DYRK1A: variants seen among roughly 807,000 people sequenced by gnomAD.
The protein encoded by DYRK1A is dual specificity tyrosine phosphorylation regulated kinase 1A.
In DYRK1A, 9 loss-of-function variants were observed where a neutral mutation model predicts 79.7. The ratio of observed to expected loss-of-function variants is 0.11; its 90% confidence interval spans 0.07 to 0.20. The LOEUF (loss-of-function observed/expected upper bound fraction) is 0.20. Among genes scored for constraint, DYRK1A ranks in the 10% least tolerant of loss-of-function variants. The pLI, the probability that DYRK1A is intolerant of heterozygous loss-of-function variation, is 1.00. For synonymous variants in DYRK1A, 349 were observed against 329.7 expected (o/e 1.06, Z -0.63); for missense variants, 622 against 956.0 (o/e 0.65, Z 4.61).
chr21:37,411,549 A>G (rs184099751), intron 1 of DYRK1A, among the ~76,000 whole-genome samples: 16 of 152,290 alleles, frequency 1.1e-4, no homozygotes, highest in Admixed American at 2.0e-4. Flanking sequence ...AGTGAGGCCA[A>G]TGGAATTTGA....
intron 2 of DYRK1A, among the ~76,000 whole-genome samples, chr21:37,458,304 G>GTA (rs1555972269): frequency 3.3e-5 from 5 of 150,672 alleles, no homozygotes; most frequent in Non-Finnish European, 5.9e-5. Flanking sequence ...GTGTGTGTGT[G>GTA]TGTACATATA....
intron 6 of DYRK1A, among the ~76,000 whole-genome samples, chr21:37,489,531 C>T (rs2835771): frequency 0.19 from 28,829 of 151,914 alleles, 3,457 homozygotes; most frequent in South Asian, 0.34. Flanking sequence ...CCTTCAGTCT[C>T]ACACAAGAGT....
intron 1 of DYRK1A, among the ~76,000 whole-genome samples, chr21:37,371,056 G>C (rs903406809): frequency 3.3e-5 from 5 of 152,166 alleles, no homozygotes; most frequent in Non-Finnish European, 7.3e-5. Context: ...AGTTTGGAGA[G>C]TTAAAATTTG....
chr21:37,397,681 T>C (rs1267632189), intron 1 of DYRK1A, among the ~76,000 whole-genome samples: 1 of 152,192 alleles, frequency 6.6e-6, no homozygotes, highest in Non-Finnish European at 1.5e-5. Context: ...CAGAATTGCC[T>C]GGGGTCCTTG....
chr21:37,476,827 C>G (rs772920223), intron 3 of DYRK1A, among the ~76,000 whole-genome samples: 7 of 148,248 alleles, frequency 4.7e-5, no homozygotes, highest in Non-Finnish European at 1.0e-4. Context: ...TTCCCCCCCC[C>G]CCCAACCTTA....
intron 1 of DYRK1A, among the ~76,000 whole-genome samples, chr21:37,382,301 T>G (rs11700450): frequency 0.075 from 11,441 of 151,940 alleles, 641 homozygotes; most frequent in Non-Finnish European, 0.11. Flanking sequence ...TCCAAACTCC[T>G]GGGCTCAAGT....
intron 1 of DYRK1A, among the ~76,000 whole-genome samples, chr21:37,378,947 C>T (rs1179459769): frequency 6.6e-6 from 1 of 151,876 alleles, no homozygotes; most frequent in African/African-American, 2.4e-5. Flanking sequence ...TATGGTGGAA[C>T]CTGAGGACTT....
intron 1 of DYRK1A, among the ~76,000 whole-genome samples, chr21:37,389,140 A>G (rs542455738): frequency 1.0e-3 from 151 of 151,122 alleles, no homozygotes; most frequent in African/African-American, 3.6e-3. Context: ...AGCCTCCCAA[A>G]GTGTTGAGAT....
intron 2 of DYRK1A, among the ~76,000 whole-genome samples, chr21:37,462,154 T>C (rs754594351): frequency 1.4e-4 from 21 of 152,202 alleles, no homozygotes; most frequent in Non-Finnish European, 2.5e-4. Context: ...CTGTCATTTC[T>C]GAGTCTTAAA....
intron 1 of DYRK1A, among the ~76,000 whole-genome samples, chr21:37,375,303 G>A (rs903526150): frequency 2.0e-5 from 3 of 152,310 alleles, no homozygotes; most frequent in Non-Finnish European, 4.4e-5. Flanking sequence ...CAGCACTATT[G>A]TGGGCAATGT....
intron 1 of DYRK1A, among the ~76,000 whole-genome samples, chr21:37,394,670 T>G (rs771845748): frequency 8.5e-5 from 13 of 152,196 alleles, no homozygotes; most frequent in Admixed American, 8.5e-4. Context: ...CTAGGTTGCA[T>G]GCTCCTTATG....
chr21:37,452,168 A>G (rs2051474952), intron 2 of DYRK1A, among the ~76,000 whole-genome samples: 1 of 151,358 alleles, frequency 6.6e-6, no homozygotes, highest in Non-Finnish European at 1.5e-5. Flanking sequence ...TGTGGACATG[A>G]ACTTTGACAG....
intron 3 of DYRK1A, among the ~76,000 whole-genome samples, chr21:37,474,582 G>A (rs762273140): frequency 4.5e-4 from 68 of 152,208 alleles, no homozygotes; most frequent in African/African-American, 3.4e-4. Flanking sequence ...TGATCTGGTT[G>A]TAGGATTTGA....
At chr21:37,416,635 T>C (rs914100518) in intron 1 of DYRK1A, among the ~76,000 whole-genome samples, 2 of 152,150 alleles carry the variant, frequency 1.3e-5, no homozygotes, top group Admixed American at 6.6e-5. Flanking sequence ...AGCCAAAGTT[T>C]ATAAGAGAAT....
At chr21:37,490,034 A>G in intron 6 of DYRK1A, 141 bp from the exon 7 acceptor site, 1 of 824,958 alleles carries the variant, frequency 1.2e-6, no homozygotes, top group South Asian at 1.9e-5. Flanking sequence ...AACTGCTGTT[A>G]TTACAAAATG....
At chr21:37,442,197 T>G (rs1286139000) in intron 2 of DYRK1A, among the ~76,000 whole-genome samples, 2 of 152,126 alleles carry the variant, frequency 1.3e-5, no homozygotes, top group African/African-American at 4.8e-5. Flanking sequence ...TTTAGTTTTC[T>G]TTGTGTTTCT....
At chr21:37,469,341 AG>A (rs2052141185) in intron 2 of DYRK1A, among the ~76,000 whole-genome samples, 1 of 152,250 alleles carries the variant, frequency 6.6e-6, no homozygotes, top group Admixed American at 6.5e-5. Flanking sequence ...GAAATAATCC[AG>A]GTGTCGGTCA....
intron 2 of DYRK1A, among the ~76,000 whole-genome samples, chr21:37,463,203 CGTGTGT>C (rs6147501): frequency 0.18 from 26,272 of 145,294 alleles, 2,380 homozygotes; most frequent in South Asian, 0.33. Context: ...AATGTTGGCA[CGTGTGT>C]GTGTGTGTGT....
At chr21:37,482,590 G>A (rs1479337503) in intron 5 of DYRK1A, among the ~76,000 whole-genome samples, 3 of 152,168 alleles carry the variant, frequency 2.0e-5, no homozygotes, top group African/African-American at 7.2e-5. Flanking sequence ...TGCTAATGAA[G>A]TTTTGGGCAC....
Sources: gnomAD v4.1 joint callset for allele counts (sites outside exome capture counted in the v4.1 genomes callset) on GRCh38, gnomAD v4.1.1 for gene constraint, MANE v1.5 for transcripts, NCBI Gene and HGNC (gene_info 2026-07-23, HGNC 2026-07-21) for gene names.